Variants in ANKRD46 observed in about 807,000 individuals in gnomAD.
ANKRD46 encodes ankyrin repeat domain-containing protein 46.
Under a neutral mutation model 19.8 loss-of-function variants are expected in ANKRD46, and 13 were observed. The observed-to-expected ratio is 0.66, with a 90% CI of 0.43 to 1.04. The LOEUF (loss-of-function observed/expected upper bound fraction) is 1.04, where lower values mean the gene tolerates loss of function less well. Ranked by LOEUF, ANKRD46 falls within the 50% of genes least tolerant of loss-of-function variation. The pLI, the probability that ANKRD46 is intolerant of heterozygous loss-of-function variation, is 0.00. For synonymous variants in ANKRD46, 91 were observed against 106.9 expected, an observed-to-expected ratio of 0.85 and a Z score of 0.92; for missense variants, 185 against 274.8, an observed-to-expected ratio of 0.67 and a Z score of 2.31.
At chr8:100,552,808 C>CT (rs1812421218) in intron 1 of ANKRD46, among the ~76,000 whole-genome samples, 1 of 152,178 alleles carries the variant, frequency 6.6e-6, no homozygotes, top group Admixed American at 6.5e-5. Flanking sequence ...AAGCCTTGGG[C>CT]TTTTCCTATT....
chr8:100,524,888 T>C lies in ANKRD46; in HGVS notation c.471-2117A>G, dbSNP rs893738320. On this transcript the variant is annotated intron_variant, in intron 4 of 4. Transcript: ENST00000335659. This position sits in a 1 kb window ranked among gnomAD's most constrained non-coding sequence, Gnocchi z 4.3. ...TCTGATTCTAACATAATGGGGTGTG[T>C]GTATAATCTTTTTTTAAAAACGTGA... 1.3e-5 allele frequency among the ~76,000 whole-genome samples: 2 copies of C among 151,954 alleles called. No homozygotes were observed. The highest frequency in any genetic ancestry group is 4.8e-5 in the African/African-American group (2 of 41,324).
intron 1 of ANKRD46, among the ~76,000 whole-genome samples, chr8:100,539,431 AAAG>A (rs1333516314): frequency 6.6e-6 from 1 of 152,234 alleles, no homozygotes; most frequent in South Asian, 2.1e-4. Flanking sequence ...AGAACATTGG[AAAG>A]AAGGAGTTTA....
intron 1 of ANKRD46, among the ~76,000 whole-genome samples, chr8:100,542,612 A>G (rs375878454): frequency 6.6e-6 from 1 of 152,086 alleles, no homozygotes; most frequent in Non-Finnish European, 1.5e-5. Context: ...ACTAGGGGTA[A>G]CCTATTTTGG....
rs1812374422 is a variant in ANKRD46, at chr8:100,550,906, T to C, written c.-131+8805A>G. ...ACCTGGTGTTCAGTGTAGCCCAAGA[T>C]GCCCTTGAGGGGCCCTCTGACGCCT... On this transcript the variant is annotated intron_variant, in intron 1 of 4. Transcript: ENST00000335659. The surrounding 1 kb of genome is among the most constrained non-coding windows in gnomAD (Gnocchi z 4.4). The C allele has an allele frequency of 1.7e-6, 1 of 584,214 alleles. No individual in the cohort carries two copies. Among genetic ancestry groups the C allele is most frequent in the Admixed American group, 2.0e-5 (1 of 49,190 alleles). 36.2% of individuals were successfully genotyped at this position (584,214 alleles called of 1,614,324 possible).
At position 100,543,452 on chromosome 8, in the gene ANKRD46, A is replaced by C. The variant is rs1019968917; in HGVS notation, c.-130-10141T>G. Among the ~76,000 whole-genome samples, 1 of 152,234 alleles carries C rather than the reference A, an allele frequency of 6.6e-6. No individual in the cohort carries two copies. The highest frequency in any genetic ancestry group is 2.4e-5 in the African/African-American group (1 of 41,468). ...TGTAGATAGGAGCAGGACACAATATAAAACTGTTAAGAACTTGTTTTTAAA... is the reference window on the plus strand; with the variant it reads ...TGTAGATAGGAGCAGGACACAATATCAAACTGTTAAGAACTTGTTTTTAAA... On this transcript the variant is annotated intron_variant, in intron 1 of 4. Coordinates refer to ENST00000335659, the MANE Select transcript of ANKRD46 (RefSeq NM_001270377.2). The surrounding 1 kb of genome is among the most constrained non-coding windows in gnomAD (Gnocchi z 4.2).
In ANKRD46 at chr8:100,529,601, C is replaced by T. The variant is rs1056450011; in HGVS notation, c.233G>A (p.Gly78Glu). 12 of 1,614,206 alleles carry T rather than the reference C, an allele frequency of 7.4e-6. No homozygotes were observed. Among genetic ancestry groups the T allele is most frequent in the Non-Finnish European group, 1.0e-5 (12 of 1,180,032 alleles). The change falls in exon 3 of 5, where the codon GGA (glycine) becomes GAA (glutamate). Residue 78 changes from glycine (G) to glutamate (E), a missense_variant. Coordinates refer to ENST00000335659, the MANE Select transcript of ANKRD46 (RefSeq NM_001270377.2). The surrounding 1 kb of genome is among the most constrained non-coding windows in gnomAD (Gnocchi z 5.8). ...GADLLATDYQ[G>E]NTALHLCGHV... ...GCCACAGAGGTGAAGAGCTGTGTTT[C>T]CTTGATAATCTGTGGCCAGAAGATC...
At chr8:100,551,741 G>T in intron 1 of ANKRD46, 1 of 562,260 alleles carries the variant, frequency 1.8e-6, no homozygotes. Flanking sequence ...GCTTTGAGAA[G>T]AGGATGGTCA....
intron 5 of ANKRD46, among the ~76,000 whole-genome samples, chr8:100,514,972 C>T (rs1811605264): frequency 6.6e-6 from 1 of 152,108 alleles, no homozygotes; most frequent in Non-Finnish European, 1.5e-5. Flanking sequence ...ATTTCATTGC[C>T]TTTTCAGAGA....
In ANKRD46 at chr8:100,543,368, G is replaced by A. The variant is rs1812212264; in HGVS notation, c.-130-10057C>T. Among the ~76,000 whole-genome samples, 1 of 152,086 alleles carries A rather than the reference G, an allele frequency of 6.6e-6. No individual in the cohort carries two copies. The highest frequency in any genetic ancestry group is 2.4e-5 in the African/African-American group (1 of 41,410). On this transcript the variant is annotated intron_variant, in intron 1 of 4. Coordinates refer to ENST00000335659, the MANE Select transcript of ANKRD46 (RefSeq NM_001270377.2). The surrounding 1 kb of genome is among the most constrained non-coding windows in gnomAD (Gnocchi z 4.2). ...CGATTTGTTCTATAACAAATACTAAGGAAACTGGGAATAAAATGGTAAATT... is the reference window on the plus strand; with the variant it reads ...CGATTTGTTCTATAACAAATACTAAAGAAACTGGGAATAAAATGGTAAATT...
chr8:100,519,308 C>T (rs919058204), downstream of ANKRD46, among the ~76,000 whole-genome samples: 1 of 152,164 alleles, frequency 6.6e-6, no homozygotes, highest in Non-Finnish European at 1.5e-5. Context: ...GAAAGACGGT[C>T]TCTTCTCTAT....
At chr8:100,547,890 A>G (rs1020793110) in intron 1 of ANKRD46, among the ~76,000 whole-genome samples, 4 of 152,166 alleles carry the variant, frequency 2.6e-5, no homozygotes, top group Admixed American at 1.3e-4. Context: ...AAGTTTTCCA[A>G]TGTCTTCCTA....
Position 100,541,723 on chromosome 8 carries a change from A to G in ANKRD46, c.-130-8412T>C, listed in dbSNP as rs938162328. Among the ~76,000 whole-genome samples, 19 of 152,226 alleles carry G rather than the reference A, an allele frequency of 1.2e-4. 1 individual carries two copies. The highest frequency in any genetic ancestry group is 4.6e-4 in the African/African-American group (19 of 41,472). The stretch of plus-strand genomic sequence containing the variant: ...CCCACACGTTCTAGTCCTATTCATG[A>G]TTCACTGTCGAAATACAAAATGCAG... On this transcript the variant is annotated intron_variant, in intron 1 of 4. Transcript: ENST00000335659.
intron 1 of ANKRD46, among the ~76,000 whole-genome samples, chr8:100,542,277 A>G (rs1812189094): frequency 2.0e-5 from 3 of 152,100 alleles, no homozygotes; most frequent in Admixed American, 2.0e-4. Flanking sequence ...CTCACATCCT[A>G]CCTCACTCAC....
In ANKRD46 at chr8:100,534,816, C is replaced by T. The variant is rs1303684393; in HGVS notation, c.-130-1505G>A. The stretch of plus-strand genomic sequence containing the variant: ...ACAGAGTCTCACTCTGTCGCTGGTG[C>T]CGGAGTGCAGTGGTGCAATCTCGAC... On this transcript the variant is annotated intron_variant, in intron 1 of 4. Transcript: ENST00000335659. This position sits in a 1 kb window ranked among gnomAD's most constrained non-coding sequence, Gnocchi z 4.2. Among the ~76,000 whole-genome samples the T allele has an allele frequency of 6.6e-6, 1 of 152,128 alleles. No individual in the cohort carries two copies. Among genetic ancestry groups the T allele is most frequent in the Admixed American group, 6.5e-5 (1 of 15,272 alleles).
chr8:100,534,509 A>G lies in ANKRD46; in HGVS notation c.-130-1198T>C, dbSNP rs1002590858. 6.6e-6 allele frequency among the ~76,000 whole-genome samples: 1 copy of G among 152,170 alleles called. No homozygotes were observed. Among genetic ancestry groups the G allele is most frequent in the Non-Finnish European group, 1.5e-5 (1 of 68,036 alleles). ...ATATTATGTATTCACCCAAAGCCTAATATTTTTCCTCTCTTGTCCTGACCT... is the reference window on the plus strand; with the variant it reads ...ATATTATGTATTCACCCAAAGCCTAGTATTTTTCCTCTCTTGTCCTGACCT... On this transcript the variant is annotated intron_variant, in intron 1 of 4. Transcript: ENST00000335659. This position sits in a 1 kb window ranked among gnomAD's most constrained non-coding sequence, Gnocchi z 4.2.
chr8:100,556,352 A>C (rs866410749), intron 1 of ANKRD46, among the ~76,000 whole-genome samples: 2 of 152,198 alleles, frequency 1.3e-5, no homozygotes, highest in East Asian at 3.8e-4. Context: ...TCTGAAATGT[A>C]CTACGTAAAA....
chr8:100,540,343 C>T (rs969436660), intron 1 of ANKRD46, among the ~76,000 whole-genome samples: 8 of 152,154 alleles, frequency 5.3e-5, no homozygotes, highest in Non-Finnish European at 1.0e-4. Flanking sequence ...TCAAAGTGAA[C>T]GTCTTCTTAA....
At chr8:100,542,045 G>T (rs1474322210) in intron 1 of ANKRD46, among the ~76,000 whole-genome samples, 2 of 152,062 alleles carry the variant, frequency 1.3e-5, no homozygotes, top group Non-Finnish European at 2.9e-5. Flanking sequence ...TTTCTCAGAA[G>T]GATGTACTGC....
Position 100,550,914 on chromosome 8 carries a change from A to AG in ANKRD46, c.-131+8796dup. 1 of 593,126 alleles carries AG rather than the reference A, an allele frequency of 1.7e-6. No homozygotes were observed. The highest frequency in any genetic ancestry group is 3.1e-6 in the Non-Finnish European group (1 of 319,488). The allele number at this position is 593,126 out of a possible 1,614,324, so 36.7% of individuals were successfully genotyped here. Reference sequence around the variant, plus strand: ...TTCAGTGTAGCCCAAGATGCCCTTGAGGGGCCCTCTGACGCCTGCTTCACC... The same window carrying AG: ...TTCAGTGTAGCCCAAGATGCCCTTGAGGGGGCCCTCTGACGCCTGCTTCACC... On this transcript the variant is annotated intron_variant, in intron 1 of 4. Coordinates refer to ENST00000335659, the MANE Select transcript of ANKRD46 (RefSeq NM_001270377.2). The surrounding 1 kb of genome is among the most constrained non-coding windows in gnomAD (Gnocchi z 4.4).
Sources: allele counts gnomAD v4.1 joint callset (sites outside exome capture counted in the v4.1 genomes callset), GRCh38; gene constraint gnomAD v4.1.1; non-coding constraint Gnocchi (gnomAD v3.1); transcripts MANE v1.5; gene names NCBI Gene and HGNC (gene_info 2026-07-23, HGNC 2026-07-21).